Variants in ASB11 observed in about 807,000 individuals in gnomAD.
ASB11 encodes the protein ankyrin repeat and SOCS box protein 11.
In ASB11, 17 loss-of-function variants were observed where a neutral mutation model predicts 20.1. The ratio of observed to expected loss-of-function variants is 0.85; its 90% confidence interval spans 0.58 to 1.27. ASB11 has a LOEUF of 1.27. Among genes scored for constraint, ASB11 ranks in the 50% most tolerant of loss-of-function variants. The probability of loss-of-function intolerance (pLI) is 0.00; values close to 1 mark genes in which losing one functional copy is unlikely to be tolerated. For missense variants in ASB11, 259 were observed against 256.9 expected (o/e 1.01, Z -0.06); for synonymous variants, 107 against 105.6 (o/e 1.01, Z -0.08).
rs983179844 is a variant in ASB11, at chrX:15,282,811, A to T, written c.*694T>A. 3 of 106,864 alleles carry T rather than the reference A, an allele frequency of 2.8e-5. No individual in the cohort carries two copies. The highest frequency in any genetic ancestry group is 1.0e-4 in the Admixed American group (1 of 9,659). The allele number at this position is 106,864 out of a possible 1,213,427, so 8.8% of individuals were successfully genotyped here. ...AACTTTATATATGTATATATATATAAAGTCTATATAAATATATATAACTTT... is the reference window on the plus strand; with the variant it reads ...AACTTTATATATGTATATATATATATAGTCTATATAAATATATATAACTTT... On this transcript the variant is annotated 3_prime_UTR_variant, in exon 7 of 7. Transcript: ENST00000480796.
chrX:15,300,862 A>T (rs1185339913), intron 2 of ASB11, among the ~76,000 whole-genome samples: 5 of 112,098 alleles, frequency 4.5e-5, no homozygotes, highest in Admixed American at 3.8e-4. Flanking sequence ...TATACCAATG[A>T]AAGTATTGAG....
Position 15,293,172 on chromosome X carries a change from C to A in ASB11, c.518G>T (p.Arg173Ile). 8.3e-7 allele frequency: 1 copy of A among 1,207,968 alleles called. No homozygotes were observed. Reference protein sequence around the residue: ...LASPIHEAVKRGHRECMEILL... With the variant: ...LASPIHEAVKIGHRECMEILL... ...ATGCATTGTGGTGGCTCATTTACCT[C>A]TCTTCACTGCCTCATGGATGGGCGA... Residue 173 changes from arginine to isoleucine, a missense_variant and splice_region_variant, in exon 4 of 7, where the codon AGA becomes ATA. Transcript: ENST00000480796.
At chrX:15,305,032 A>C (rs1429091551) in intron 1 of ASB11, among the ~76,000 whole-genome samples, 1 of 112,072 alleles carries the variant, frequency 8.9e-6, no homozygotes, top group Admixed American at 9.5e-5. Flanking sequence ...CTTATAATAA[A>C]ATCCCAACTT....
chrX:15,287,770 T>C, intron 6 of ASB11, 111 bp downstream of exon 6: 1 of 932,283 alleles, frequency 1.1e-6, no homozygotes, highest in Non-Finnish European at 1.4e-6. Flanking sequence ...CCTCCCACAA[T>C]GCCACCTTCA....
At chrX:15,284,575 CAAG>C (rs1344484693) in intron 6 of ASB11, among the ~76,000 whole-genome samples, 1 of 111,483 alleles carries the variant, frequency 9.0e-6, no homozygotes, top group Non-Finnish European at 1.9e-5. Flanking sequence ...TAGAGATCTG[CAAG>C]AAGGACTCAA....
At chrX:15,285,266 G>A (rs763113020) in intron 6 of ASB11, among the ~76,000 whole-genome samples, 17 of 107,300 alleles carry the variant, frequency 1.6e-4, no homozygotes, top group African/African-American at 4.8e-4. Flanking sequence ...TCAGCCTCCC[G>A]GGTAGGTGGG....
Position 15,308,416 on chromosome X carries a change from C to T in ASB11, c.182-5609G>A, listed in dbSNP as rs147005387. 4.6e-4 allele frequency among the ~76,000 whole-genome samples: 51 copies of T among 111,584 alleles called. No homozygotes were observed. The East Asian group carries it at 0.011, about 23-fold the overall frequency. ...CCTGGGCTTCTCCCTCACCACATTGCTGCTTTCCAATTCTCTTCCTCATAT... is the reference window on the plus strand; with the variant it reads ...CCTGGGCTTCTCCCTCACCACATTGTTGCTTTCCAATTCTCTTCCTCATAT... On this transcript the variant is annotated intron_variant, in intron 1 of 6. Transcript: ENST00000480796.
intron 1 of ASB11, among the ~76,000 whole-genome samples, chrX:15,308,684 T>C (rs1480520225): frequency 8.9e-6 from 1 of 112,019 alleles, no homozygotes; most frequent in East Asian, 2.8e-4. Context: ...GTATCAGAAA[T>C]AGGACTGAAA....
intron 1 of ASB11, among the ~76,000 whole-genome samples, chrX:15,312,417 C>CAAA (rs1231680554): frequency 0.022 from 523 of 23,489 alleles, 21 homozygotes; most frequent in African/African-American, 0.046. Context: ...GCCCACTGCA[C>CAAA]AAAAAAAAAA....
At chrX:15,311,504 G>A (rs1921430049) in intron 1 of ASB11, among the ~76,000 whole-genome samples, 1 of 112,454 alleles carries the variant, frequency 8.9e-6, no homozygotes, top group African/African-American at 3.2e-5. Flanking sequence ...ATGAAACTAA[G>A]GCGATCCTAT....
Position 15,283,579 on chromosome X carries a change from C to A in ASB11, c.898G>T (p.Gly300Cys), listed in dbSNP as rs758878984. The change falls in exon 7 of 7, where the codon GGT (glycine) becomes TGT (cysteine). Residue 300 changes from glycine (G) to cysteine (C), a missense_variant. By Grantham distance (159) the Gly-to-Cys change is radical. Transcript: ENST00000480796. ...TGGATGGCTTGATGACATGCTCGAC[C>A]GAGACACTTCCGGACACACAGGCGG... ...LCRLCVRKCL[G>C]RACHQAIHKL... The A allele has an allele frequency of 5.0e-6, 6 of 1,209,726 alleles. No individual in the cohort carries two copies. The East Asian group carries it at 1.8e-4, about 36-fold the overall frequency.
chrX:15,287,872 C>T lies in ASB11; in HGVS notation c.847+9G>A, dbSNP rs749744149. ...ATGGAAGAGGAATGGATACCCAGCC[C>T]TTGGTTACCTTCACGGAGCAAGAGT... On this transcript the variant is annotated intron_variant, in intron 6 of 6. Transcript: ENST00000480796. The T allele has an allele frequency of 5.9e-6, 7 of 1,192,012 alleles. No individual in the cohort carries two copies. In the Admixed American group the frequency reaches 1.1e-4, roughly 19 times the overall value.
chrX:15,301,304 A>C (rs1409102525), intron 2 of ASB11, among the ~76,000 whole-genome samples: 1 of 112,119 alleles, frequency 8.9e-6, no homozygotes, highest in African/African-American at 3.2e-5. Context: ...AACTATGTGA[A>C]TATATTACCT....
rs758085948 is a variant in ASB11, at chrX:15,314,141, T to A, written c.181+1284A>T. Among the ~76,000 whole-genome samples, 4 of 108,540 alleles carry A rather than the reference T, an allele frequency of 3.7e-5. No homozygotes were observed. The South Asian group carries it at 1.6e-3, about 43-fold the overall frequency. The allele number at this position is 108,540 out of a possible 115,157, so 94.3% of individuals were successfully genotyped here. On this transcript the variant is annotated intron_variant, in intron 1 of 6. Coordinates refer to ENST00000480796, the MANE Select transcript of ASB11 (RefSeq NM_080873.3). ...TGCGCAGGTGCAACAGGAGAAAACATTTGTAACATGTTCTTGCCAATATTG... is the reference window on the plus strand; with the variant it reads ...TGCGCAGGTGCAACAGGAGAAAACAATTGTAACATGTTCTTGCCAATATTG...
intron 4 of ASB11, among the ~76,000 whole-genome samples, chrX:15,291,115 T>G (rs919956973): frequency 2.7e-5 from 3 of 112,289 alleles, no homozygotes; most frequent in Non-Finnish European, 5.6e-5. Context: ...AAAAGTTAAA[T>G]AGCTAGCACT....
intron 1 of ASB11, among the ~76,000 whole-genome samples, chrX:15,304,621 T>C (rs771955355): frequency 8.9e-6 from 1 of 112,537 alleles, no homozygotes; most frequent in South Asian, 3.6e-4. Flanking sequence ...GGCTCACGCC[T>C]GTAATCCCAG....
At position 15,293,186 on chromosome X, in the gene ASB11, A is replaced by G. The variant is rs765674953; in HGVS notation, c.504T>C (p.His168=). 3 of 1,208,455 alleles carry G rather than the reference A, an allele frequency of 2.5e-6. No individual in the cohort carries two copies. Among genetic ancestry groups the G allele is most frequent in the African/African-American group, 3.5e-5 (2 of 57,129 alleles). ...QLEVHLASPI[H]EAVKRGHREC... ...CTCATTTACCTCTCTTCACTGCCTC[A>G]TGGATGGGCGAGGCCAGGTGCACCT... The change falls in exon 4 of 7, where the codon CAT becomes CAC. Residue 168 remains histidine (H), a synonymous_variant. Coordinates refer to ENST00000480796, the MANE Select transcript of ASB11 (RefSeq NM_080873.3).
chrX:15,284,009 T>A (rs1927273486), intron 6 of ASB11, among the ~76,000 whole-genome samples: 1 of 110,071 alleles, frequency 9.1e-6, no homozygotes, highest in Non-Finnish European at 1.9e-5. Context: ...TCCCAGCACT[T>A]TGGGAGGCCA....
chrX:15,298,720 G>A (rs750289619), intron 2 of ASB11, among the ~76,000 whole-genome samples: 1 of 111,480 alleles, frequency 9.0e-6, no homozygotes, highest in South Asian at 3.8e-4. Flanking sequence ...GTAGGTATGA[G>A]GTATAGATGA....
Sources: gnomAD v4.1 joint callset for allele counts (sites outside exome capture counted in the v4.1 genomes callset) on GRCh38, gnomAD v4.1.1 for gene constraint, MANE v1.5 for transcripts, NCBI Gene and HGNC (gene_info 2026-07-23, HGNC 2026-07-21) for gene names.